The following KLHL1 variants were observed in gnomAD, a reference collection of about 807,000 sequenced individuals.
KLHL1 encodes kelch like family member 1.
Under a neutral mutation model 77.7 loss-of-function variants are expected in KLHL1, and 47 were observed. The ratio of observed to expected loss-of-function variants is 0.60; its 90% CI spans 0.48 to 0.77. The LOEUF (loss-of-function observed/expected upper bound fraction) is 0.77. KLHL1 is among the 30% of genes least tolerant of loss of function. The pLI, the probability that KLHL1 is intolerant of heterozygous loss-of-function variation, is 0.00. For synonymous variants in KLHL1, 360 were observed against 325.2 expected, an observed-to-expected ratio of 1.11 and a Z score of -1.15; for missense variants, 925 against 910.8, an observed-to-expected ratio of 1.02 and a Z score of -0.20.
At chr13:69,909,643 T>C (rs1166171499) in intron 4 of KLHL1, among the ~76,000 whole-genome samples, 1 of 151,980 alleles carries the variant, frequency 6.6e-6, no homozygotes, top group South Asian at 2.1e-4. Context: ...ATTCTCCTAT[T>C]CATTCCATGC....
chr13:69,755,835 CAT>C lies in KLHL1; in HGVS notation c.1640-15281_1640-15280del, dbSNP rs141706605. Among the ~76,000 whole-genome samples the C allele has an allele frequency of 8.2e-4, 125 of 152,164 alleles. 2 individuals are homozygous for C. In the East Asian group the frequency reaches 0.02, roughly 24 times the overall value. ...TGCATTTATAGTAAATAAAATGAAACATGTGGGTAGTGGAAAAATCATACGTT... is the reference window on the plus strand; with the variant it reads ...TGCATTTATAGTAAATAAAATGAAACGTGGGTAGTGGAAAAATCATACGTT... On this transcript the variant is annotated intron_variant, in intron 7 of 10. Transcript: ENST00000377844.
At chr13:69,939,378 T>TATATATATATACACAC (rs1200160699) in intron 4 of KLHL1, among the ~76,000 whole-genome samples, 19 of 70,804 alleles carry the variant, frequency 2.7e-4, no homozygotes, top group South Asian at 4.6e-4. Flanking sequence ...TATATATATA[T>TATATATATATACACAC]ACACACACAC....
chr13:69,999,930 A>G (rs1041632663), intron 1 of KLHL1, among the ~76,000 whole-genome samples: 8 of 152,032 alleles, frequency 5.3e-5, no homozygotes, highest in Admixed American at 3.3e-4. Context: ...CAAATCTCAT[A>G]TTAAACTTTG....
chr13:69,800,454 T>G (rs1331575935), intron 6 of KLHL1, among the ~76,000 whole-genome samples: 7 of 152,126 alleles, frequency 4.6e-5, no homozygotes, highest in Non-Finnish European at 1.0e-4. Flanking sequence ...TATATAAAGT[T>G]AAGCAATACA....
chr13:69,899,662 T>C (rs1237850374), intron 4 of KLHL1, among the ~76,000 whole-genome samples: 3 of 152,130 alleles, frequency 2.0e-5, no homozygotes, highest in Admixed American at 1.3e-4. Context: ...CATACACGGC[T>C]TTCTAGGCAC....
intron 6 of KLHL1, chr13:69,802,837 T>C (rs1877449232): frequency 6.6e-6 from 1 of 152,134 alleles, no homozygotes; most frequent in African/African-American, 2.4e-5. Context: ...AACCGCTTCC[T>C]TCTTTAACTC....
intron 1 of KLHL1, among the ~76,000 whole-genome samples, chr13:70,030,072 A>G (rs1886055833): frequency 6.6e-6 from 1 of 152,228 alleles, no homozygotes; most frequent in African/African-American, 2.4e-5. Context: ...CACCCAATAC[A>G]GGATCATACA....
chr13:69,909,941 G>A (rs532576815), intron 4 of KLHL1, among the ~76,000 whole-genome samples: 2 of 152,112 alleles, frequency 1.3e-5, no homozygotes, highest in African/African-American at 4.8e-5. Context: ...ACAGCGTCAA[G>A]GATCCTTTCC....
At chr13:69,874,022 C>T (rs1019689093) in intron 5 of KLHL1, among the ~76,000 whole-genome samples, 5 of 152,108 alleles carry the variant, frequency 3.3e-5, no homozygotes, top group African/African-American at 1.2e-4. Context: ...GGGTGACCAC[C>T]TTCTAGGCAA....
chr13:70,074,540 G>C (rs1299945127), intron 1 of KLHL1, among the ~76,000 whole-genome samples: 1 of 151,972 alleles, frequency 6.6e-6, no homozygotes, highest in African/African-American at 2.4e-5. Flanking sequence ...GGGGACACAG[G>C]TATTAGATGC....
At chr13:70,090,836 A>G (rs1390097659) in intron 1 of KLHL1, among the ~76,000 whole-genome samples, 1 of 152,154 alleles carries the variant, frequency 6.6e-6, no homozygotes, top group Non-Finnish European at 1.5e-5. Context: ...ACAACTTTCT[A>G]TTAAATTTAG....
chr13:69,788,350 C>T (rs145563664), intron 7 of KLHL1, among the ~76,000 whole-genome samples: 3,383 of 152,160 alleles, frequency 0.022, 58 homozygotes, highest in Middle Eastern at 0.034. Context: ...AAAGAGTTCA[C>T]GTCCTTTGTA....
At chr13:69,766,531 GC>G (rs1875312164) in intron 7 of KLHL1, among the ~76,000 whole-genome samples, 1 of 151,126 alleles carries the variant, frequency 6.6e-6, no homozygotes, top group African/African-American at 2.4e-5. Flanking sequence ...AACTAAATGA[GC>G]AAAAAATAAT....
intron 3 of KLHL1, among the ~76,000 whole-genome samples, chr13:69,943,567 T>G (rs941408895): frequency 2.6e-5 from 4 of 152,092 alleles, no homozygotes; most frequent in African/African-American, 9.7e-5. Context: ...TTTTAAGGTT[T>G]GTGAAATACC....
intron 1 of KLHL1, among the ~76,000 whole-genome samples, chr13:70,049,772 G>A (rs144165016): frequency 1.2e-3 from 180 of 152,022 alleles, no homozygotes; most frequent in African/African-American, 4.0e-3. Context: ...GCGGTGTTTC[G>A]AGAACATCAT....
At chr13:69,742,748 A>C (rs1055417019) in intron 7 of KLHL1, among the ~76,000 whole-genome samples, 6 of 152,224 alleles carry the variant, frequency 3.9e-5, no homozygotes, top group African/African-American at 1.2e-4. Flanking sequence ...GTTATTTTAC[A>C]CAACTCTATT....
At chr13:69,752,813 G>T (rs901378744) in intron 7 of KLHL1, among the ~76,000 whole-genome samples, 1 of 152,136 alleles carries the variant, frequency 6.6e-6, no homozygotes, top group Non-Finnish European at 1.5e-5. Context: ...GGCCATAAGC[G>T]AATAGGTATT....
At chr13:69,953,291 A>C (rs1883769008) in intron 3 of KLHL1, among the ~76,000 whole-genome samples, 1 of 151,242 alleles carries the variant, frequency 6.6e-6, no homozygotes, top group Non-Finnish European at 1.5e-5. Context: ...TTTGATGTAC[A>C]ACAATATTAA....
intron 7 of KLHL1, among the ~76,000 whole-genome samples, chr13:69,780,877 C>T (rs1205260483): frequency 1.3e-5 from 2 of 150,996 alleles, no homozygotes; most frequent in Non-Finnish European, 1.5e-5. Flanking sequence ...TTTATGAAAC[C>T]TCATTGATTC....
Sources: allele counts gnomAD v4.1 joint callset (sites outside exome capture counted in the v4.1 genomes callset), GRCh38; gene constraint gnomAD v4.1.1; transcripts MANE v1.5; gene names NCBI Gene and HGNC (gene_info 2026-07-23, HGNC 2026-07-21).